FILIP1: variants seen among roughly 807,000 people sequenced by gnomAD.
The protein encoded by FILIP1 is filamin-A-interacting protein 1.
FILIP1 carries 61 observed loss-of-function variants against 102.1 expected under a neutral mutation model. That is an observed-to-expected ratio of 0.60 (90% CI 0.49 to 0.74). FILIP1 has a LOEUF of 0.74. Among genes scored for constraint, FILIP1 ranks in the 30% least tolerant of loss-of-function variants. The pLI is 0.00. For synonymous variants in FILIP1, 491 were observed against 526.9 expected, an observed-to-expected ratio of 0.93 and a Z score of 0.93; for missense variants, 1,314 against 1,441.2, an observed-to-expected ratio of 0.91 and a Z score of 1.43.
chr6:75,445,724 T>C (rs1481846083), intron 1 of FILIP1, among the ~76,000 whole-genome samples: 1 of 152,194 alleles, frequency 6.6e-6, no homozygotes, highest in Non-Finnish European at 1.5e-5. Context: ...CTATAGTCTA[T>C]ATATTTGTAG....
chr6:75,415,154 G>A (rs1001842893), intron 1 of FILIP1, among the ~76,000 whole-genome samples, 176 bp from the exon 2 acceptor site: 2 of 152,056 alleles, frequency 1.3e-5, no homozygotes, highest in East Asian at 1.9e-4. Flanking sequence ...AAAAATGAAA[G>A]TAAGATTTTA....
intron 1 of FILIP1, among the ~76,000 whole-genome samples, chr6:75,459,809 T>G (rs1182214624): frequency 6.6e-6 from 1 of 152,210 alleles, no homozygotes; most frequent in Non-Finnish European, 1.5e-5. Context: ...ACACTTTGCA[T>G]TCCCAAGAGA....
intron 1 of FILIP1, among the ~76,000 whole-genome samples, chr6:75,429,835 A>G (rs2149706651): frequency 6.6e-6 from 1 of 152,344 alleles, no homozygotes; most frequent in Middle Eastern, 3.4e-3. Context: ...CATGAAAACT[A>G]TGGGTTATAT....
chr6:75,386,176 G>C (rs997753472), intron 2 of FILIP1: 1 of 152,076 alleles, frequency 6.6e-6, no homozygotes, highest in African/African-American at 2.4e-5. Flanking sequence ...AGTTTTTGTG[G>C]TCAGGAACCT....
rs572806141 is a variant in FILIP1 at position 75,440,179 on chromosome 6, A to T, written c.-6-25201T>A. Reference sequence around the variant, plus strand: ...AAATCCATCACGGGCTCTTTGGGCAACTTTTTGGGAATCTAACATTATTTC... The same window carrying T: ...AAATCCATCACGGGCTCTTTGGGCATCTTTTTGGGAATCTAACATTATTTC... On this transcript the variant is annotated intron_variant, in intron 1 of 5. Transcript: ENST00000237172. Among the ~76,000 whole-genome samples the T allele has an allele frequency of 3.9e-5, 6 of 152,316 alleles. No homozygotes were observed. The East Asian group carries it at 9.6e-4, about 24-fold the overall frequency.
chr6:75,406,431 A>G (rs1325262802), intron 2 of FILIP1, among the ~76,000 whole-genome samples: 2 of 152,076 alleles, frequency 1.3e-5, no homozygotes, highest in African/African-American at 4.8e-5. Context: ...ATATTTTCAT[A>G]ATCTTTCCCT....
chr6:75,481,380 G>T (rs1330543806), intron 1 of FILIP1, among the ~76,000 whole-genome samples: 1 of 152,108 alleles, frequency 6.6e-6, no homozygotes, highest in Non-Finnish European at 1.5e-5. Context: ...CCCACCACTA[G>T]GATTTAGCAT....
At chr6:75,307,063 A>G (rs764073197), downstream of FILIP1, among the ~76,000 whole-genome samples, 6 of 152,170 alleles carry the variant, frequency 3.9e-5, no homozygotes, top group Admixed American at 6.5e-5. Context: ...TCAGCCTCCC[A>G]AAGTGCTGGG....
intron 1 of FILIP1, among the ~76,000 whole-genome samples, chr6:75,476,726 C>A (rs991714739): frequency 6.6e-6 from 1 of 152,090 alleles, no homozygotes; most frequent in Non-Finnish European, 1.5e-5. Flanking sequence ...TATTGAGCAC[C>A]CTTTACAACC....
chr6:75,486,614 T>C (rs1779795681), intron 1 of FILIP1, among the ~76,000 whole-genome samples: 1 of 152,114 alleles, frequency 6.6e-6, no homozygotes, highest in Non-Finnish European at 1.5e-5. Context: ...AACTATCGAA[T>C]AGATAAGGTC....
chr6:75,347,681 G>A (rs529183067), intron 4 of FILIP1, among the ~76,000 whole-genome samples: 1 of 84,896 alleles, frequency 1.2e-5, no homozygotes, highest in East Asian at 2.7e-4. Context: ...CAGTCCACTA[G>A]AGCAAGTTTT....
chr6:75,406,661 C>CT (rs33981073), intron 2 of FILIP1, among the ~76,000 whole-genome samples: 79,778 of 132,894 alleles, frequency 0.6, 24,057 homozygotes, highest in South Asian at 0.67. Context: ...AGCAATGTTT[C>CT]TTTTTTTTTT....
intron 2 of FILIP1, among the ~76,000 whole-genome samples, chr6:75,399,769 C>G (rs1421992691): frequency 2.0e-5 from 3 of 152,166 alleles, no homozygotes; most frequent in Non-Finnish European, 4.4e-5. Flanking sequence ...TTAGGCAGCA[C>G]AAGAAGGTCA....
At position 75,348,604 on chromosome 6, in the gene FILIP1, C is replaced by T. The variant is rs189078145; in HGVS notation, c.629+4935G>A. Among the ~76,000 whole-genome samples the T allele has an allele frequency of 2.4e-4, 37 of 152,256 alleles. 1 individual carries two copies. The Middle Eastern group carries it at 0.031, about 126-fold the overall frequency. ...TTATACAAGATGAGTTAAGCAATTC[C>T]TGGAAAGTGAAAAATAATTTATATA... On this transcript the variant is annotated intron_variant, in intron 4 of 5. Transcript: ENST00000237172.
intron 1 of FILIP1, chr6:75,454,909 G>GA (rs902286693): frequency 2.0e-5 from 3 of 151,590 alleles, no homozygotes; most frequent in Non-Finnish European, 4.4e-5. Flanking sequence ...GGGAGCAGGG[G>GA]AAAAAAAAGA....
intron 6 of FILIP1, chr6:75,296,037 T>C: frequency 1.0e-6 from 1 of 959,908 alleles, no homozygotes; most frequent in South Asian, 2.9e-5. Flanking sequence ...TCATAGATGT[T>C]AAATAACAAA....
At chr6:75,345,160 A>T (rs2149592139) in intron 4 of FILIP1, among the ~76,000 whole-genome samples, 1 of 152,270 alleles carries the variant, frequency 6.6e-6, no homozygotes. Flanking sequence ...TTTACAGTAA[A>T]GTGTACTTCT....
chr6:75,450,652 G>GAA lies in FILIP1; in HGVS notation c.-6-35676_-6-35675dup, dbSNP rs201690421. Among the ~76,000 whole-genome samples, 155 of 91,150 alleles carry GAA rather than the reference G, an allele frequency of 1.7e-3. 1 individual carries two copies. The highest frequency in any genetic ancestry group is 3.5e-3 in the Admixed American group (30 of 8,586). 59.8% of individuals were successfully genotyped at this position (91,150 alleles called of 152,430 possible). On this transcript the variant is annotated intron_variant, in intron 1 of 5. Transcript: ENST00000237172. ...GAATAAGAACTTCTCTCTTAAAAAA[G>GAA]AAAAAAAAAAAAAAAAAGAGTGGCT...
chr6:75,385,977 C>T lies in FILIP1; in HGVS notation c.277-23060G>A, dbSNP rs79199438. ...TATCTACTTTTTCCAAATAAATGAC[C>T]AAGAACCACTGGCCAAGATTTATAT... On this transcript the variant is annotated intron_variant, in intron 2 of 5. Transcript: ENST00000237172. Among the ~76,000 whole-genome samples, 332 of 152,090 alleles carry T rather than the reference C, an allele frequency of 2.2e-3. 1 individual carries two copies. The highest frequency in any genetic ancestry group is 3.5e-3 in the Admixed American group (54 of 15,270).
Sources: allele counts gnomAD v4.1 joint callset (sites outside exome capture counted in the v4.1 genomes callset), GRCh38; gene constraint gnomAD v4.1.1; transcripts MANE v1.5; gene names NCBI Gene and HGNC (gene_info 2026-07-23, HGNC 2026-07-21).